Variants in HEATR6 observed in about 807,000 individuals in gnomAD.
The protein encoded by HEATR6 is HEAT repeat-containing protein 6.
Under a neutral mutation model 132.8 loss-of-function variants are expected in HEATR6, and 106 were observed. The ratio of observed to expected loss-of-function variants is 0.80; its 90% confidence interval spans 0.68 to 0.94. HEATR6 has a LOEUF of 0.94. Among genes scored for constraint, HEATR6 ranks in the 40% least tolerant of loss-of-function variants. HEATR6 has a pLI of 0.00. For missense variants in HEATR6, 1,339 were observed against 1,425.1 expected (o/e 0.94, Z 0.97); for synonymous variants, 529 against 537.8 (o/e 0.98, Z 0.23).
chr17:60,078,616 G>A (rs2083308074), intron 1 of HEATR6, 80 bp downstream of exon 1: 1 of 1,116,564 alleles, frequency 9.0e-7, no homozygotes, highest in South Asian at 1.5e-5. Flanking sequence ...GGGAAGATCA[G>A]GGAAAGGCAG....
rs1390757725 is a variant in HEATR6, at chr17:60,046,064, C to T, written c.2935G>A (p.Ala979Thr). ...GGATTTTTAAATACATTTCCCATTG[C>T]ATAACAAGCATTCCATCGGACTTTC... Reference protein sequence around the residue: ...AMKVRWNACYAMGNVFKNPAL... With the variant: ...AMKVRWNACYTMGNVFKNPAL... The change falls in exon 19 of 20, where the codon GCA (alanine) becomes ACA (threonine). Residue 979 changes from alanine (A) to threonine (T), a missense_variant. Coordinates refer to ENST00000184956, the MANE Select transcript of HEATR6 (RefSeq NM_022070.5). The T allele has an allele frequency of 1.2e-6, 2 of 1,613,938 alleles. No homozygotes were observed. Among genetic ancestry groups the T allele is most frequent in the African/African-American group, 2.7e-5 (2 of 74,924 alleles).
chr17:60,044,498 T>C (rs975336625), intron 19 of HEATR6, among the ~76,000 whole-genome samples: 2 of 152,266 alleles, frequency 1.3e-5, no homozygotes, highest in Middle Eastern at 3.4e-3. Context: ...ACCCCACCTA[T>C]CCTCTCAGCT....
Position 60,057,288 on chromosome 17 carries a change from A to G in HEATR6, c.1839T>C (p.Asn613=). 1.2e-6 allele frequency: 2 copies of G among 1,614,112 alleles called. No individual in the cohort carries two copies. Among genetic ancestry groups the G allele is most frequent in the Non-Finnish European group, 8.5e-7 (1 of 1,180,004 alleles). Residue 613 remains asparagine, a synonymous_variant, in exon 12 of 20, where the codon AAT becomes AAC. Transcript: ENST00000184956. ...TGAGGTGAGGGGTTGCTGAATTGCT[A>G]TTACCGAGTCCAGAAGAACATGGCT... The part of the protein sequence containing the change: ...LQQPCSSGLG[N]SNSATPHLSP...
rs761478826 is a variant in HEATR6, at chr17:60,076,242, C to CAA, written c.220-7_220-6dup. ...GACAAGAAGAGCACTAACGTCCTACCAAAAAAAAAAAGATAAGAGGTAAAA... is the reference window on the plus strand; with the variant it reads ...GACAAGAAGAGCACTAACGTCCTACCAAAAAAAAAAAAAGATAAGAGGTAAAA... On this transcript the variant is annotated splice_region_variant and splice_polypyrimidine_tract_variant and intron_variant, in intron 1 of 19. Transcript: ENST00000184956. 2.1e-4 allele frequency: 247 copies of CAA among 1,195,982 alleles called. No homozygotes were observed. The highest frequency in any genetic ancestry group is 2.3e-4 in the Non-Finnish European group (207 of 881,012). 74.1% of individuals were successfully genotyped at this position (1,195,982 alleles called of 1,614,324 possible).
chr17:60,065,865 T>C (rs1326482192), intron 9 of HEATR6, among the ~76,000 whole-genome samples: 1 of 152,238 alleles, frequency 6.6e-6, no homozygotes, highest in East Asian at 1.9e-4. Context: ...TTAAGCCATT[T>C]CTGATGTTTT....
rs1906444683 is a variant in HEATR6 at position 60,048,383 on chromosome 17, G to C, written c.2553C>G (p.Val851=). The part of the protein sequence containing the change: ...YVLFPCLRQD[V]IFVADAANAI... ...CATTTGCTGCGTCTGCAACAAATAT[G>C]ACATCCTGTAACACAAAACAAAACA... The change falls in exon 17 of 20, where the codon GTC becomes GTG. Residue 851 remains valine (V), a synonymous_variant. Transcript: ENST00000184956. 1.2e-6 allele frequency: 2 copies of C among 1,611,446 alleles called. No individual in the cohort carries two copies. Among genetic ancestry groups the C allele is most frequent in the East Asian group, 4.5e-5 (2 of 44,842 alleles).
At chr17:60,064,533 C>A (rs367647017) in intron 9 of HEATR6, 1 of 152,242 alleles carries the variant, frequency 6.6e-6, no homozygotes, top group East Asian at 1.9e-4. Context: ...CTTGCCATTA[C>A]ACTGAACTAA....
chr17:60,061,263 C>G (rs1295142633), intron 9 of HEATR6, among the ~76,000 whole-genome samples: 1 of 152,146 alleles, frequency 6.6e-6, no homozygotes, highest in Non-Finnish European at 1.5e-5. Flanking sequence ...TCCAAACAAC[C>G]AGGTAATAAA....
chr17:60,054,162 C>G (rs1335096783), intron 14 of HEATR6, among the ~76,000 whole-genome samples: 2 of 152,252 alleles, frequency 1.3e-5, no homozygotes, highest in Non-Finnish European at 2.9e-5. Flanking sequence ...CATCCCCAGC[C>G]TTGGCTCAAA....
chr17:60,076,963 A>T (rs2083300345), intron 1 of HEATR6, among the ~76,000 whole-genome samples: 2 of 149,394 alleles, frequency 1.3e-5, no homozygotes, highest in Admixed American at 1.3e-4. Flanking sequence ...AAAAAAAAAA[A>T]GAGGGACCTA....
intron 15 of HEATR6, 80 bp downstream of exon 15, chr17:60,050,762 TG>T: frequency 6.5e-7 from 1 of 1,537,428 alleles, no homozygotes. Flanking sequence ...TGCTGAATAC[TG>T]GTTCAAAATG....
At chr17:60,053,936 C>T (rs898381818) in intron 14 of HEATR6, among the ~76,000 whole-genome samples, 3 of 152,224 alleles carry the variant, frequency 2.0e-5, no homozygotes, top group Non-Finnish European at 4.4e-5. Flanking sequence ...GAGAAGGAAT[C>T]CAAGCTCGGA....
At chr17:60,071,070 G>A (rs1475932654) in intron 5 of HEATR6, among the ~76,000 whole-genome samples, 1 of 152,134 alleles carries the variant, frequency 6.6e-6, no homozygotes, top group African/African-American at 2.4e-5. Context: ...TACAAATGGT[G>A]AGCAAGAAAA....
At chr17:60,074,402 C>T (rs746948858) in intron 2 of HEATR6, among the ~76,000 whole-genome samples, 13 of 152,340 alleles carry the variant, frequency 8.5e-5, no homozygotes, top group Non-Finnish European at 1.6e-4. Context: ...TTGAGACAAA[C>T]TGTCACCAAG....
At chr17:60,044,373 A>C (rs890594798) in intron 19 of HEATR6, among the ~76,000 whole-genome samples, 22 of 152,324 alleles carry the variant, frequency 1.4e-4, no homozygotes, top group African/African-American at 5.1e-4. Flanking sequence ...CCACACGCTT[A>C]GAGCCTCTGC....
rs771072251 is a variant in HEATR6 at position 60,047,363 on chromosome 17, G to A, written c.2715C>T (p.Leu905=). The change falls in exon 18 of 20, where the codon CTC becomes CTT. Residue 905 remains leucine, a synonymous_variant. Transcript: ENST00000184956. ...CTGATCGTAACATTTTCAAGAGCAGGAGACCAGAGAACTCTTCCTGGAAAC... is the reference window on the plus strand; with the variant it reads ...CTGATCGTAACATTTTCAAGAGCAGAAGACCAGAGAACTCTTCCTGGAAAC... ...DPSFQEEFSG[L]LLLKMLRSAI... is the part of the protein sequence containing the mutation. The A allele has an allele frequency of 3.7e-6, 6 of 1,613,082 alleles. No homozygotes were observed. The highest frequency in any genetic ancestry group is 1.3e-5 in the African/African-American group (1 of 74,836).
chr17:60,071,699 C>T (rs977040360), intron 5 of HEATR6, among the ~76,000 whole-genome samples: 1 of 152,050 alleles, frequency 6.6e-6, no homozygotes, highest in African/African-American at 2.4e-5. Flanking sequence ...CCACTTAAAG[C>T]TGTAATTATG....
At chr17:60,055,805 G>A (rs1357156025) in intron 13 of HEATR6, among the ~76,000 whole-genome samples, 1 of 152,152 alleles carries the variant, frequency 6.6e-6, no homozygotes, top group East Asian at 1.9e-4. Flanking sequence ...CAAATCAAGG[G>A]GAAACATAAT....
At chr17:60,067,284 A>G (rs2083246668) in intron 8 of HEATR6, 150 bp downstream of exon 8, 1 of 447,838 alleles carries the variant, frequency 2.2e-6, no homozygotes, top group Non-Finnish European at 3.7e-6. Context: ...AAAAAAAAAA[A>G]AAAAAAGAGA....
Sources: gnomAD v4.1 joint callset for allele counts (sites outside exome capture counted in the v4.1 genomes callset) on GRCh38, gnomAD v4.1.1 for gene constraint, MANE v1.5 for transcripts, NCBI Gene and HGNC (gene_info 2026-07-23, HGNC 2026-07-21) for gene names.